The following VPS54 variants were observed in gnomAD, a reference collection of about 807,000 sequenced individuals.
The protein encoded by VPS54 is vacuolar protein sorting-associated protein 54.
A neutral mutation model predicts 121.5 loss-of-function variants in VPS54; 45 were observed. The ratio of observed to expected loss-of-function variants is 0.37; its 90% CI spans 0.29 to 0.47. The LOEUF (loss-of-function observed/expected upper bound fraction) is 0.47, where lower values mean the gene tolerates loss of function less well. Among genes scored for constraint, VPS54 ranks in the 20% least tolerant of loss-of-function variants. VPS54 has a pLI of 0.99. For synonymous variants in VPS54, 371 were observed against 385.8 expected (o/e 0.96, Z 0.45); for missense variants, 1,090 against 1,131.4 (o/e 0.96, Z 0.52).
At chr2:63,993,304 A>G (rs1386414925) in intron 1 of VPS54, among the ~76,000 whole-genome samples, 1 of 152,180 alleles carries the variant, frequency 6.6e-6, no homozygotes, top group African/African-American at 2.4e-5. Flanking sequence ...CTTGTTTTCT[A>G]TGCTGCGGGG....
chr2:63,921,266 T>C lies in VPS54; in HGVS notation c.1809A>G (p.Leu603=). The change falls in exon 13 of 23, where the codon TTA becomes TTG. Residue 603 remains leucine (L), a synonymous_variant. Coordinates refer to ENST00000272322, the MANE Select transcript of VPS54 (RefSeq NM_016516.3). ...CATGGCATATATCTGAGGCACTATATAATAATTCCTGGATATTATTTGCCA... is the reference window on the plus strand; with the variant it reads ...CATGGCATATATCTGAGGCACTATACAATAATTCCTGGATATTATTTGCCA... ...GKLANNIQEL[L]YSASDICHDR... 2 of 1,613,358 alleles carry C rather than the reference T, an allele frequency of 1.2e-6. No individual in the cohort carries two copies. Among genetic ancestry groups the C allele is most frequent in the Non-Finnish European group, 1.7e-6 (2 of 1,179,578 alleles).
chr2:64,017,655 T>A (rs918794712), intron 1 of VPS54, among the ~76,000 whole-genome samples: 8 of 152,256 alleles, frequency 5.3e-5, no homozygotes, highest in Non-Finnish European at 1.2e-4. Context: ...TGATGCATTC[T>A]TTATTTTAAA....
chr2:63,928,610 G>A lies in VPS54; in HGVS notation c.1739+5063C>T, dbSNP rs187118473. ...GAAGAAACTGCATCAATTAGTGGGC[G>A]AAATAACCAGCTAGCATCATAATGA... On this transcript the variant is annotated intron_variant, in intron 12 of 22. Coordinates refer to ENST00000272322, the MANE Select transcript of VPS54 (RefSeq NM_016516.3). Among the ~76,000 whole-genome samples, 753 of 152,088 alleles carry A rather than the reference G, an allele frequency of 5.0e-3. 10 individuals are homozygous for A. Among genetic ancestry groups the A allele is most frequent in the African/African-American group, 0.017 (691 of 41,482 alleles).
Position 63,912,554 on chromosome 2 carries a change from C to A in VPS54, c.2530G>T (p.Asp844Tyr). 1 of 1,611,682 alleles carries A rather than the reference C, an allele frequency of 6.2e-7. No individual in the cohort carries two copies. Among genetic ancestry groups the A allele is most frequent in the South Asian group, 1.1e-5 (1 of 90,520 alleles). Residue 844 changes from aspartate (D) to tyrosine (Y), a missense_variant, in exon 19 of 23, where the codon GAT (aspartate) becomes TAT (tyrosine). Coordinates refer to ENST00000272322, the MANE Select transcript of VPS54 (RefSeq NM_016516.3). ...TGAAAAAGTACCTTAGTGATATGAT[C>A]AAAATGCCTAAGCATGCTATATTGC... ...PKQYSMLRHF[D>Y]HITKDYHDHI...
chr2:64,002,462 T>C (rs929445327), intron 1 of VPS54, among the ~76,000 whole-genome samples: 4 of 152,222 alleles, frequency 2.6e-5, no homozygotes, highest in African/African-American at 9.6e-5. Context: ...TGACATGAAG[T>C]GTTAAGCCAC....
chr2:63,976,522 T>C (rs940944138), intron 3 of VPS54, among the ~76,000 whole-genome samples: 3 of 152,274 alleles, frequency 2.0e-5, no homozygotes, highest in African/African-American at 7.2e-5. Context: ...ATTGGTATAA[T>C]TTCCTACTGA....
In VPS54 at chr2:63,899,476, G is replaced by C; in HGVS notation, c.2731C>G (p.Gln911Glu). The change falls in exon 21 of 23, where the codon CAG (glutamine) becomes GAG (glutamate). Residue 911 changes from glutamine to glutamate, a missense_variant and splice_region_variant. This residue lies in a region of VPS54 where 289 missense variants were observed against 374.4 expected (regional missense o/e 0.77). Coordinates refer to ENST00000272322, the MANE Select transcript of VPS54 (RefSeq NM_016516.3). ...TAGTTTTAGGAATTACTTCTCACCT[G>C]TGTTTGTTCTTCTGGAAGGAGATCA... ...IFDLLPEEQT[Q>E]MLFLRINASY... 6.2e-7 allele frequency: 1 copy of C among 1,612,712 alleles called. No homozygotes were observed. Among genetic ancestry groups the C allele is most frequent in the Non-Finnish European group, 8.5e-7 (1 of 1,179,114 alleles).
chr2:63,978,650 C>G (rs1233169852), intron 3 of VPS54, among the ~76,000 whole-genome samples: 1 of 152,040 alleles, frequency 6.6e-6, no homozygotes, highest in Admixed American at 6.6e-5. Flanking sequence ...GAGATGGAGT[C>G]TTGCTGTCAC....
At chr2:63,912,265 T>G in intron 20 of VPS54, 80 bp downstream of exon 20, 9 of 1,206,512 alleles carry the variant, frequency 7.5e-6, no homozygotes, top group Non-Finnish European at 1.0e-5. Context: ...TTTTCACATC[T>G]TAATTTATAA....
intron 20 of VPS54, among the ~76,000 whole-genome samples, chr2:63,902,132 G>A (rs1672702818): frequency 6.6e-6 from 1 of 152,202 alleles, no homozygotes; most frequent in Admixed American, 6.5e-5. Flanking sequence ...CCACATTCAA[G>A]GCCAGGGATA....
chr2:63,980,627 T>C (rs548542845), intron 3 of VPS54, among the ~76,000 whole-genome samples: 24 of 152,254 alleles, frequency 1.6e-4, no homozygotes, highest in African/African-American at 4.6e-4. Context: ...TTAAACCCCT[T>C]GCTAAAAACA....
intron 11 of VPS54, among the ~76,000 whole-genome samples, chr2:63,936,541 A>G (rs1449575513): frequency 2.6e-5 from 4 of 152,156 alleles, no homozygotes; most frequent in African/African-American, 9.6e-5. Flanking sequence ...TGTCATTCTG[A>G]AATGACAGAC....
rs759469986 is a variant in VPS54 at position 63,974,599 on chromosome 2, A to G, written c.379-2355T>C. Among the ~76,000 whole-genome samples, 65 of 152,172 alleles carry G rather than the reference A, an allele frequency of 4.3e-4. 1 individual carries two copies. The highest frequency in any genetic ancestry group is 1.3e-4 in the Admixed American group (2 of 15,276). On this transcript the variant is annotated intron_variant, in intron 3 of 22. Transcript: ENST00000272322. ...ATGAAATATCTCTCCATTTATTTAG[A>G]TATTTAATTTCTTTCATCAGTCTTG...
rs1377018716 is a variant in VPS54, at chr2:63,990,377, C to A, written c.-20-6358G>T. On this transcript the variant is annotated intron_variant, in intron 1 of 22. Coordinates refer to ENST00000272322, the MANE Select transcript of VPS54 (RefSeq NM_016516.3). Reference sequence around the variant, plus strand: ...ATACGCTAATTCTTCTCTCTTCAAACCTCCGGAGTCACCTAATGGCTCCAG... The same window carrying A: ...ATACGCTAATTCTTCTCTCTTCAAAACTCCGGAGTCACCTAATGGCTCCAG... Among the ~76,000 whole-genome samples, 3 of 152,154 alleles carry A rather than the reference C, an allele frequency of 2.0e-5. No homozygotes were observed. In the East Asian group the frequency reaches 5.8e-4, roughly 29 times the overall value.
chr2:63,990,568 T>C (rs1677271299), intron 1 of VPS54, among the ~76,000 whole-genome samples: 1 of 152,166 alleles, frequency 6.6e-6, no homozygotes, highest in Admixed American at 6.5e-5. Context: ...AGGATACCTC[T>C]GCTCCTTCTG....
intron 1 of VPS54, among the ~76,000 whole-genome samples, chr2:64,006,328 T>A (rs575659458): frequency 1.3e-5 from 2 of 152,236 alleles, no homozygotes; most frequent in African/African-American, 4.8e-5. Context: ...TATTTCCTTG[T>A]TTGTATTAAC....
intron 1 of VPS54, among the ~76,000 whole-genome samples, chr2:64,018,082 A>AT (rs1678792935): frequency 1.3e-5 from 2 of 152,354 alleles, no homozygotes; most frequent in South Asian, 4.1e-4. Flanking sequence ...ATTTCTCGGT[A>AT]TACTACAAGT....
intron 9 of VPS54, 73 bp from the exon 10 acceptor site, chr2:63,944,728 T>C: frequency 1.5e-6 from 2 of 1,350,794 alleles, no homozygotes; most frequent in Non-Finnish European, 2.1e-6. Flanking sequence ...CATGTTCCAT[T>C]TGTACATTAA....
In VPS54 at chr2:63,912,010, T is replaced by A. The variant is rs377146516; in HGVS notation, c.2625+335A>T. On this transcript the variant is annotated intron_variant, in intron 20 of 22. Coordinates refer to ENST00000272322, the MANE Select transcript of VPS54 (RefSeq NM_016516.3). ...TTGAAATGAATTAACATAAAAATAC[T>A]TCTGCATAGGATTTCTACCATCCTT... Among the ~76,000 whole-genome samples the A allele has an allele frequency of 2.0e-5, 3 of 152,204 alleles. No homozygotes were observed. The East Asian group carries it at 5.8e-4, about 29-fold the overall frequency.
Sources: allele counts gnomAD v4.1 joint callset (sites outside exome capture counted in the v4.1 genomes callset), GRCh38; gene constraint gnomAD v4.1.1; regional missense constraint gnomAD v4.1.1; transcripts MANE v1.5; gene names NCBI Gene and HGNC (gene_info 2026-07-23, HGNC 2026-07-21).